ENTHD1: variants seen among roughly 807,000 people sequenced by gnomAD.
ENTHD1 encodes ENTH domain-containing protein 1.
Under a neutral mutation model 39.1 loss-of-function variants are expected in ENTHD1, and 23 were observed. The observed-to-expected ratio is 0.59, with a 90% confidence interval of 0.42 to 0.83. The LOEUF (loss-of-function observed/expected upper bound fraction) is 0.83, where lower values mean the gene tolerates loss of function less well. Ranked by LOEUF, ENTHD1 falls within the 40% of genes least tolerant of loss-of-function variation. The pLI, the probability that ENTHD1 is intolerant of heterozygous loss-of-function variation, is 0.00. For synonymous variants in ENTHD1, 230 were observed against 258.2 expected, an observed-to-expected ratio of 0.89 and a Z score of 1.05; for missense variants, 624 against 705.4, an observed-to-expected ratio of 0.88 and a Z score of 1.31.
intron 4 of ENTHD1, among the ~76,000 whole-genome samples, chr22:39,830,787 G>A (rs1203732181): frequency 6.6e-6 from 1 of 152,150 alleles, no homozygotes; most frequent in South Asian, 2.1e-4. Context: ...ACAGAAAAAC[G>A]AATTAATGAG....
intron 5 of ENTHD1, among the ~76,000 whole-genome samples, chr22:39,815,042 GACAA>G (rs2065722584): frequency 1.3e-5 from 2 of 152,154 alleles, no homozygotes; most frequent in Non-Finnish European, 1.5e-5. Context: ...TTAAGAAAAA[GACAA>G]ACAACCAACT....
intron 6 of ENTHD1, among the ~76,000 whole-genome samples, chr22:39,756,299 C>CTG (rs2065184236): frequency 6.7e-6 from 1 of 148,706 alleles, no homozygotes; most frequent in African/African-American, 2.5e-5. Context: ...CTCTCTCTCT[C>CTG]TCTCTCTCTC....
chr22:39,753,652 AT>A (rs2065163408), intron 6 of ENTHD1, among the ~76,000 whole-genome samples: 1 of 152,178 alleles, frequency 6.6e-6, no homozygotes, highest in Non-Finnish European at 1.5e-5. Flanking sequence ...CACAGACACT[AT>A]CTTATCTATT....
intron 2 of ENTHD1, among the ~76,000 whole-genome samples, chr22:39,876,337 G>A (rs1601662944): frequency 6.6e-6 from 1 of 152,110 alleles, no homozygotes; most frequent in African/African-American, 2.4e-5. Flanking sequence ...TCATACACGC[G>A]AAAGGTACAA....
intron 5 of ENTHD1, among the ~76,000 whole-genome samples, chr22:39,772,508 A>C (rs1356845952): frequency 1.3e-5 from 2 of 152,220 alleles, no homozygotes; most frequent in Non-Finnish European, 2.9e-5. Flanking sequence ...CCCTTGGTAT[A>C]ACTACCAAGT....
chr22:39,866,622 C>G (rs2066183579), intron 2 of ENTHD1, among the ~76,000 whole-genome samples: 1 of 152,160 alleles, frequency 6.6e-6, no homozygotes, highest in African/African-American at 2.4e-5. Context: ...TTCAGGAAAG[C>G]CTTCCACGGA....
At chr22:39,805,125 G>C (rs1002251014) in intron 5 of ENTHD1, among the ~76,000 whole-genome samples, 1 of 152,206 alleles carries the variant, frequency 6.6e-6, no homozygotes, top group African/African-American at 2.4e-5. Context: ...GCTAGCCACT[G>C]TTCTAGGTAC....
At chr22:39,847,511 TATA>T (rs888121607) in intron 3 of ENTHD1, among the ~76,000 whole-genome samples, 3 of 150,594 alleles carry the variant, frequency 2.0e-5, no homozygotes, top group Non-Finnish European at 3.0e-5. Flanking sequence ...AAACTTAAAG[TATA>T]ATAATAATAA....
intron 6 of ENTHD1, among the ~76,000 whole-genome samples, chr22:39,749,553 A>C (rs1255208732): frequency 2.0e-5 from 3 of 152,250 alleles, no homozygotes; most frequent in African/African-American, 7.2e-5. Flanking sequence ...TGAGCTAGAG[A>C]TATAAATCTT....
chr22:39,751,566 A>C (rs1355698700), intron 6 of ENTHD1, among the ~76,000 whole-genome samples: 1 of 152,186 alleles, frequency 6.6e-6, no homozygotes, highest in African/African-American at 2.4e-5. Context: ...ACTTTGAATA[A>C]TTTTTCTAAG....
chr22:39,891,243 A>G (rs2146787347), intron 1 of ENTHD1, among the ~76,000 whole-genome samples: 1 of 152,296 alleles, frequency 6.6e-6, no homozygotes, highest in South Asian at 2.1e-4. Context: ...ACTTGTAACA[A>G]TCTGTACTTA....
At chr22:39,885,886 T>C (rs2066375270) in intron 2 of ENTHD1, among the ~76,000 whole-genome samples, 1 of 152,170 alleles carries the variant, frequency 6.6e-6, no homozygotes, top group Admixed American at 6.5e-5. Flanking sequence ...ATAGTGGTGA[T>C]GGCCGCACAA....
chr22:39,854,518 T>A (rs978712914), intron 3 of ENTHD1, among the ~76,000 whole-genome samples: 1 of 152,220 alleles, frequency 6.6e-6, no homozygotes, highest in African/African-American at 2.4e-5. Context: ...GTAATAACTG[T>A]TGCCTCTACA....
chr22:39,788,114 GTCA>G (rs1334094154), intron 5 of ENTHD1, among the ~76,000 whole-genome samples: 19 of 152,188 alleles, frequency 1.2e-4, no homozygotes, highest in African/African-American at 4.6e-4. Context: ...GGATCAAAAA[GTCA>G]TTTTGACTTT....
intron 5 of ENTHD1, among the ~76,000 whole-genome samples, chr22:39,817,982 T>C (rs2065746301): frequency 6.6e-6 from 1 of 152,184 alleles, no homozygotes; most frequent in Non-Finnish European, 1.5e-5. Flanking sequence ...CCTTCCTCCA[T>C]GGAGAGGTTG....
At chr22:39,744,759 T>C (rs1309519738) in intron 6 of ENTHD1, among the ~76,000 whole-genome samples, 1 of 152,166 alleles carries the variant, frequency 6.6e-6, no homozygotes, top group Non-Finnish European at 1.5e-5. Flanking sequence ...CAAAAGTTAG[T>C]GAAATAAATA....
intron 5 of ENTHD1, among the ~76,000 whole-genome samples, chr22:39,766,228 A>T (rs940096786): frequency 6.6e-6 from 1 of 152,176 alleles, no homozygotes; most frequent in Non-Finnish European, 1.5e-5. Flanking sequence ...AATTAGTAAA[A>T]TATAAGTTCC....
chr22:39,818,013 C>G (rs1477217491), intron 5 of ENTHD1, among the ~76,000 whole-genome samples: 1 of 152,200 alleles, frequency 6.6e-6, no homozygotes, highest in Non-Finnish European at 1.5e-5. Context: ...TATGTCCCCA[C>G]CCCCTTAAAC....
At chr22:39,785,743 A>G (rs2065451817) in intron 5 of ENTHD1, among the ~76,000 whole-genome samples, 1 of 152,036 alleles carries the variant, frequency 6.6e-6, no homozygotes, top group Non-Finnish European at 1.5e-5. Context: ...CCCCTCCCCA[A>G]TTTTTAATCT....
Sources: gnomAD v4.1 joint callset for allele counts (sites outside exome capture counted in the v4.1 genomes callset) on GRCh38, gnomAD v4.1.1 for gene constraint, MANE v1.5 for transcripts, NCBI Gene and HGNC (gene_info 2026-07-23, HGNC 2026-07-21) for gene names.